The following SMYD3 variants were observed in gnomAD, a reference collection of about 807,000 sequenced individuals.
The protein encoded by SMYD3 is SET and MYND domain containing 3, also known as histone-lysine N-methyltransferase SMYD3.
A neutral mutation model predicts 57.7 loss-of-function variants in SMYD3; 36 were observed. The ratio of observed to expected loss-of-function variants is 0.62; its 90% CI spans 0.48 to 0.82. SMYD3 has a LOEUF of 0.82. SMYD3 is among the 40% of genes least tolerant of loss of function. SMYD3 has a pLI of 0.00. For synonymous variants in SMYD3, 211 were observed against 195.0 expected (o/e 1.08, Z -0.68); for missense variants, 515 against 538.8 (o/e 0.96, Z 0.44).
At chr1:246,008,396 G>T (rs1215211864) in intron 5 of SMYD3, among the ~76,000 whole-genome samples, 10 of 152,210 alleles carry the variant, frequency 6.6e-5, no homozygotes. Flanking sequence ...CTCACTGAAA[G>T]CAGAACTCCT....
At chr1:245,847,363 C>T (rs2050718700) in intron 10 of SMYD3, among the ~76,000 whole-genome samples, 1 of 152,212 alleles carries the variant, frequency 6.6e-6, no homozygotes, top group Non-Finnish European at 1.5e-5. Context: ...TCCCATCCAT[C>T]TATCCTTCGG....
intron 1 of SMYD3, among the ~76,000 whole-genome samples, chr1:246,492,772 T>C (rs1452368215): frequency 6.6e-6 from 1 of 152,208 alleles, no homozygotes; most frequent in Non-Finnish European, 1.5e-5. Context: ...TTTCTAAATA[T>C]AGAGGTGGAT....
chr1:246,438,046 TAAGATCA>T (rs1378130000), intron 1 of SMYD3, among the ~76,000 whole-genome samples: 5 of 145,086 alleles, frequency 3.4e-5, no homozygotes, highest in Non-Finnish European at 7.7e-5. Flanking sequence ...AAAGCTGTTT[TAAGATCA>T]AAGATCAAAT....
At chr1:245,794,054 G>A (rs934309242) in intron 10 of SMYD3, among the ~76,000 whole-genome samples, 2 of 152,068 alleles carry the variant, frequency 1.3e-5, no homozygotes, top group East Asian at 3.9e-4. Flanking sequence ...TCATTTACAT[G>A]TATGGTGATA....
chr1:246,341,929 T>C (rs566752849), intron 2 of SMYD3, among the ~76,000 whole-genome samples: 18 of 152,318 alleles, frequency 1.2e-4, no homozygotes, highest in African/African-American at 3.8e-4. Flanking sequence ...ATTCATGACA[T>C]CAGCTCACTA....
intron 5 of SMYD3, among the ~76,000 whole-genome samples, chr1:246,060,730 C>T (rs1340877601): frequency 6.6e-6 from 1 of 152,098 alleles, no homozygotes; most frequent in Non-Finnish European, 1.5e-5. Flanking sequence ...ACTCAGCTCC[C>T]ATAAAGAAAG....
intron 5 of SMYD3, among the ~76,000 whole-genome samples, chr1:246,188,326 A>G (rs1042822613): frequency 6.6e-6 from 1 of 152,170 alleles, no homozygotes; most frequent in African/African-American, 2.4e-5. Context: ...TCCTTGCCCC[A>G]GGAGCTGTGC....
intron 8 of SMYD3, among the ~76,000 whole-genome samples, chr1:245,879,211 G>A (rs370171787): frequency 2.0e-5 from 3 of 152,298 alleles, no homozygotes; most frequent in South Asian, 2.1e-4. Context: ...CAAGGTTCAC[G>A]TTCTAGAACA....
chr1:245,774,639 A>G (rs7540680), intron 10 of SMYD3, among the ~76,000 whole-genome samples: 58 of 125,078 alleles, frequency 4.6e-4, no homozygotes, highest in South Asian at 7.1e-4. Flanking sequence ...CTCTCCCCAC[A>G]GTCTCCCTCT....
chr1:246,236,205 T>C lies in SMYD3; in HGVS notation c.531+90996A>G, dbSNP rs147590557. Reference sequence around the variant, plus strand: ...AAAGAAATATTATGATAAATAAGTATACATTTAATTATTTATTTATGGATA... The same window carrying C: ...AAAGAAATATTATGATAAATAAGTACACATTTAATTATTTATTTATGGATA... On this transcript the variant is annotated intron_variant, in intron 5 of 11. Coordinates refer to ENST00000490107, the MANE Select transcript of SMYD3 (RefSeq NM_001167740.2). Among the ~76,000 whole-genome samples, 18 of 152,230 alleles carry C rather than the reference T, an allele frequency of 1.2e-4. No homozygotes were observed. The East Asian group carries it at 3.5e-3, about 29-fold the overall frequency.
chr1:245,751,709 G>A (rs948980149), intron 11 of SMYD3, among the ~76,000 whole-genome samples: 4 of 152,154 alleles, frequency 2.6e-5, no homozygotes, highest in South Asian at 2.1e-4. Context: ...TTGTGACCCC[G>A]CACTGGCAGT....
At chr1:245,821,862 A>T (rs528728666) in intron 10 of SMYD3, among the ~76,000 whole-genome samples, 1 of 150,734 alleles carries the variant, frequency 6.6e-6, no homozygotes, top group South Asian at 2.1e-4. Context: ...ATCTCACACC[A>T]GTTAGAATGG....
chr1:245,792,412 T>G (rs2047315732), intron 10 of SMYD3, among the ~76,000 whole-genome samples: 1 of 152,262 alleles, frequency 6.6e-6, no homozygotes, highest in Admixed American at 6.5e-5. Flanking sequence ...AGGGATTCTC[T>G]TGGTAATCAG....
At chr1:246,233,813 A>G (rs918589651) in intron 5 of SMYD3, among the ~76,000 whole-genome samples, 9 of 130,632 alleles carry the variant, frequency 6.9e-5, no homozygotes, top group African/African-American at 2.0e-4. Flanking sequence ...CATATACCAC[A>G]CAGAGGAGAA....
chr1:246,334,501 C>G (rs2065510282), intron 3 of SMYD3, among the ~76,000 whole-genome samples: 1 of 152,046 alleles, frequency 6.6e-6, no homozygotes, highest in African/African-American at 2.4e-5. Flanking sequence ...CAACTGAGAG[C>G]TACATATTGG....
At chr1:246,289,414 C>T (rs2064641260) in intron 5 of SMYD3, among the ~76,000 whole-genome samples, 1 of 152,182 alleles carries the variant, frequency 6.6e-6, no homozygotes, top group South Asian at 2.1e-4. Context: ...GTTTTGTCTC[C>T]AATCTAGCAA....
At chr1:246,190,832 T>C (rs2062725524) in intron 5 of SMYD3, among the ~76,000 whole-genome samples, 2 of 152,050 alleles carry the variant, frequency 1.3e-5, no homozygotes, top group African/African-American at 2.4e-5. Flanking sequence ...ATTAAGGTAT[T>C]TCAGGGGCCC....
At chr1:246,301,406 C>T (rs1168821644) in intron 5 of SMYD3, among the ~76,000 whole-genome samples, 1 of 151,802 alleles carries the variant, frequency 6.6e-6, no homozygotes, top group Non-Finnish European at 1.5e-5. Flanking sequence ...CATAGGTGCC[C>T]GAAAGGGAGG....
chr1:245,921,991 G>T (rs560549517), intron 7 of SMYD3, among the ~76,000 whole-genome samples: 1 of 152,082 alleles, frequency 6.6e-6, no homozygotes, highest in East Asian at 1.9e-4. Context: ...AATAAAAGTT[G>T]AAATTATTTT....
Sources: allele counts gnomAD v4.1 joint callset (sites outside exome capture counted in the v4.1 genomes callset), GRCh38; gene constraint gnomAD v4.1.1; transcripts MANE v1.5; gene names NCBI Gene and HGNC (gene_info 2026-07-23, HGNC 2026-07-21).